CYB5R3: variants seen among roughly 807,000 people sequenced by gnomAD.
CYB5R3 encodes NADH-cytochrome b5 reductase 3.
A neutral mutation model predicts 36.5 loss-of-function variants in CYB5R3; 28 were observed. That is an observed-to-expected ratio of 0.77 (90% CI 0.57 to 1.05). CYB5R3 has a LOEUF of 1.05. CYB5R3 is among the 50% of genes least tolerant of loss of function. CYB5R3 has a pLI of 0.00. For missense variants in CYB5R3, 474 were observed against 408.9 expected (o/e 1.16, Z -1.37); for synonymous variants, 181 against 159.8 (o/e 1.13, Z -1.00).
chr22:42,646,092 C>T lies in CYB5R3; in HGVS notation c.21+3203G>A, dbSNP rs555646950. Among the ~76,000 whole-genome samples the T allele has an allele frequency of 5.5e-4, 84 of 152,310 alleles. 1 individual carries two copies. Among genetic ancestry groups the T allele is most frequent in the African/African-American group, 1.6e-3 (68 of 41,578 alleles). On this transcript the variant is annotated intron_variant, in intron 1 of 8. Transcript: ENST00000352397. ...ACACGGGTTGGAACAGGCTCTGCCCCGTCCTCGTCCACAGCACCACCCCAA... is the reference window on the plus strand; with the variant it reads ...ACACGGGTTGGAACAGGCTCTGCCCTGTCCTCGTCCACAGCACCACCCCAA...
chr22:42,624,044 C>G (rs8190460), intron 7 of CYB5R3, among the ~76,000 whole-genome samples, 156 bp from the exon 8 acceptor site: 3,602 of 152,320 alleles, frequency 0.024, 140 homozygotes, highest in African/African-American at 0.083. Context: ...CCTGGCACCC[C>G]TCTCTCCTTG....
chr22:42,633,416 G>A (rs1186535713), intron 2 of CYB5R3: 1 of 152,360 alleles, frequency 6.6e-6, no homozygotes, highest in African/African-American at 2.4e-5. Context: ...ATGCGGCAAT[G>A]GGGCAGGGGT....
intron 1 of CYB5R3, among the ~76,000 whole-genome samples, chr22:42,644,920 C>G (rs545991491): frequency 1.3e-5 from 2 of 152,192 alleles, no homozygotes; most frequent in South Asian, 4.1e-4. Flanking sequence ...CTCCCCGGCC[C>G]TCCCACAGTG....
chr22:42,630,778 C>T, intron 4 of CYB5R3, 104 bp downstream of exon 4: 1 of 1,001,310 alleles, frequency 1.0e-6, no homozygotes, highest in Non-Finnish European at 1.5e-6. Flanking sequence ...GGCTGGGCTG[C>T]ACAGGGCAGG....
At chr22:42,630,703 T>A (rs1928562503) in intron 4 of CYB5R3, among the ~76,000 whole-genome samples, 179 bp downstream of exon 4, 1 of 152,182 alleles carries the variant, frequency 6.6e-6, no homozygotes, top group East Asian at 1.9e-4. Flanking sequence ...GGACATGGAC[T>A]CGAGAGGGGC....
intron 1 of CYB5R3, among the ~76,000 whole-genome samples, chr22:42,647,325 T>A (rs1028708197): frequency 2.0e-5 from 3 of 152,220 alleles, no homozygotes; most frequent in East Asian, 3.9e-4. Context: ...CAGAAATATA[T>A]GGAATGAGGC....
At chr22:42,634,222 G>A (rs1237489053) in intron 2 of CYB5R3, among the ~76,000 whole-genome samples, 3 of 150,794 alleles carry the variant, frequency 2.0e-5, no homozygotes, top group Non-Finnish European at 3.0e-5. Context: ...TTAGCAGGGC[G>A]TGGTGGTGGG....
intron 1 of CYB5R3, chr22:42,646,774 C>G (rs1443868103): frequency 1.4e-5 from 14 of 986,382 alleles, no homozygotes; most frequent in Non-Finnish European, 7.2e-6. Flanking sequence ...TGGCTGGGAA[C>G]TGTGGGGGAA....
chr22:42,648,722 G>A (rs909378734), intron 1 of CYB5R3, among the ~76,000 whole-genome samples: 9 of 152,126 alleles, frequency 5.9e-5, no homozygotes, highest in African/African-American at 2.2e-4. Flanking sequence ...GGATGCCCCC[G>A]TGTCATCCGG....
At chr22:42,638,002 A>G (rs751489038) in intron 1 of CYB5R3, among the ~76,000 whole-genome samples, 8 of 151,980 alleles carry the variant, frequency 5.3e-5, no homozygotes, top group Non-Finnish European at 1.2e-4. Flanking sequence ...TAATCCCAAC[A>G]CTCTGAGAGG....
At chr22:42,634,099 T>C (rs535728732) in intron 2 of CYB5R3, among the ~76,000 whole-genome samples, 19 of 151,922 alleles carry the variant, frequency 1.3e-4, no homozygotes, top group Middle Eastern at 3.4e-3. Flanking sequence ...CGCCTGTAAT[T>C]CGAGCACTTT....
chr22:42,649,337 C>G lies in CYB5R3; in HGVS notation c.-22G>C. 2 of 998,516 alleles carry G rather than the reference C, an allele frequency of 2.0e-6. No homozygotes were observed. The highest frequency in any genetic ancestry group is 2.4e-6 in the Non-Finnish European group (2 of 824,446). 61.9% of individuals were successfully genotyped at this position (998,516 alleles called of 1,614,324 possible). On this transcript the variant is annotated 5_prime_UTR_variant, in exon 1 of 9. Coordinates refer to ENST00000352397, the MANE Select transcript of CYB5R3 (RefSeq NM_000398.7). The stretch of plus-strand genomic sequence containing the variant: ...CCATGGTGGCCCCGCGCCGCGCTCG[C>G]TCTGTCGCCGCCGCCGCCGCCGCCG...
At chr22:42,644,185 C>T (rs1219334673) in intron 1 of CYB5R3, among the ~76,000 whole-genome samples, 1 of 152,134 alleles carries the variant, frequency 6.6e-6, no homozygotes, top group African/African-American at 2.4e-5. Flanking sequence ...GAGCCACCTC[C>T]CAGGACAGGG....
intron 2 of CYB5R3, 57 bp downstream of exon 2, chr22:42,636,658 G>C: frequency 6.3e-7 from 1 of 1,596,804 alleles, no homozygotes; most frequent in South Asian, 1.1e-5. Context: ...TGAGCACAGA[G>C]TAGGTGCTGG....
chr22:42,649,363 A>G lies in CYB5R3; in HGVS notation c.-48T>C, dbSNP rs1383426270. On this transcript the variant is annotated 5_prime_UTR_variant, in exon 1 of 9. Coordinates refer to ENST00000352397, the MANE Select transcript of CYB5R3 (RefSeq NM_000398.7). ...TCTGTCGCCGCCGCCGCCGCCGCCG[A>G]GACCGTCGCGCCCGGGCCCGCGTCA... The G allele has an allele frequency of 2.7e-6, 2 of 746,452 alleles. No individual in the cohort carries two copies. Among genetic ancestry groups the G allele is most frequent in the Non-Finnish European group, 3.3e-6 (2 of 600,710 alleles). The allele number at this position is 746,452 out of a possible 1,614,324, so 46.2% of individuals were successfully genotyped here.
At chr22:42,644,017 G>A (rs544127609) in intron 1 of CYB5R3, among the ~76,000 whole-genome samples, 1 of 152,182 alleles carries the variant, frequency 6.6e-6, no homozygotes, top group South Asian at 2.1e-4. Flanking sequence ...GGAGTGACCT[G>A]CCCGGAGTAC....
intron 5 of CYB5R3, 80 bp downstream of exon 5, chr22:42,628,072 C>A: frequency 6.3e-7 from 1 of 1,586,128 alleles, no homozygotes; most frequent in African/African-American, 1.3e-5. Context: ...AGCCAGGGGC[C>A]TGCACCCTGC....
At chr22:42,626,220 G>A (rs1928260242) in intron 7 of CYB5R3, among the ~76,000 whole-genome samples, 1 of 152,130 alleles carries the variant, frequency 6.6e-6, no homozygotes, top group Non-Finnish European at 1.5e-5. Context: ...TGAGGCAGGA[G>A]AATCACTTGA....
At chr22:42,621,183 A>AGTGT (rs61564405) in intron 8 of CYB5R3, among the ~76,000 whole-genome samples, 14,641 of 147,688 alleles carry the variant, frequency 0.099, 1,094 homozygotes, top group African/African-American at 0.21. Context: ...ATTTCTTTTT[A>AGTGT]GTGTGTGTGT....
Sources: gnomAD v4.1 joint callset for allele counts (sites outside exome capture counted in the v4.1 genomes callset) on GRCh38, gnomAD v4.1.1 for gene constraint, MANE v1.5 for transcripts, NCBI Gene and HGNC (gene_info 2026-07-23, HGNC 2026-07-21) for gene names.